Variants in RBFOX1 observed in about 807,000 individuals in gnomAD.
RBFOX1 encodes RNA binding protein fox-1 homolog 1.
A neutral mutation model predicts 57.7 loss-of-function variants in RBFOX1; 8 were observed. That is an observed-to-expected ratio of 0.14 (90% CI 0.08 to 0.25). The LOEUF is 0.25. RBFOX1 is among the 10% of genes least tolerant of loss of function. The pLI is 1.00. For synonymous variants in RBFOX1, 326 were observed against 222.4 expected, an observed-to-expected ratio of 1.47 and a Z score of -4.15; for missense variants, 611 against 548.5, an observed-to-expected ratio of 1.11 and a Z score of -1.14.
chr16:6,942,624 G>C (rs1448888098), intron 3 of RBFOX1, among the ~76,000 whole-genome samples: 1 of 152,164 alleles, frequency 6.6e-6, no homozygotes, highest in African/African-American at 2.4e-5. Flanking sequence ...CAGTGCAGGA[G>C]ACGGTGCTAG....
intron 2 of RBFOX1, among the ~76,000 whole-genome samples, chr16:6,437,800 G>T (rs780970735): frequency 6.6e-6 from 1 of 152,092 alleles, no homozygotes; most frequent in African/African-American, 2.4e-5. Context: ...ACCAGACCTC[G>T]TGAGAACTCA....
At chr16:6,257,479 A>G (rs1161733221) in intron 1 of RBFOX1, among the ~76,000 whole-genome samples, 1 of 151,720 alleles carries the variant, frequency 6.6e-6, no homozygotes, top group Non-Finnish European at 1.5e-5. Context: ...ACATAGGTAC[A>G]CTTTTGTCCT....
chr16:5,718,898 G>C (rs1255778613), intron 3 of RBFOX1, among the ~76,000 whole-genome samples: 4 of 151,780 alleles, frequency 2.6e-5, no homozygotes, highest in East Asian at 1.9e-4. Flanking sequence ...GACAGAGTGA[G>C]ATTGCTTCTC....
intron 4 of RBFOX1, among the ~76,000 whole-genome samples, chr16:5,915,019 A>C (rs1288427649): frequency 1.3e-5 from 2 of 152,178 alleles, no homozygotes; most frequent in Non-Finnish European, 2.9e-5. Context: ...TATGGTGTTG[A>C]GTAGAAGTAA....
At chr16:5,410,162 G>A (rs2066980943) in intron 1 of RBFOX1, among the ~76,000 whole-genome samples, 1 of 151,706 alleles carries the variant, frequency 6.6e-6, no homozygotes, top group African/African-American at 2.4e-5. Flanking sequence ...CCAGGAGTTC[G>A]AGACCAGCCT....
intron 4 of RBFOX1, among the ~76,000 whole-genome samples, chr16:5,912,983 G>C (rs149510777): frequency 2.6e-5 from 4 of 152,166 alleles, no homozygotes; most frequent in Non-Finnish European, 5.9e-5. Context: ...AAGTGACTCA[G>C]GATAAAAGTT....
At chr16:6,962,624 G>A (rs1289670341) in intron 3 of RBFOX1, among the ~76,000 whole-genome samples, 6 of 152,118 alleles carry the variant, frequency 3.9e-5, no homozygotes, top group Non-Finnish European at 7.3e-5. Context: ...CAGGGCTTTG[G>A]GAGGCCGAGG....
At chr16:6,950,351 C>T (rs150101151) in intron 3 of RBFOX1, among the ~76,000 whole-genome samples, 110 of 152,160 alleles carry the variant, frequency 7.2e-4, no homozygotes, top group Non-Finnish European at 6.5e-4. Context: ...ATCACAGTTA[C>T]TTGTGTGGAT....
rs372408195 is a variant in RBFOX1, at chr16:7,521,693, C to T, written c.270+3304C>T. On this transcript the variant is annotated intron_variant, in intron 5 of 15. Coordinates refer to ENST00000550418, the MANE Select transcript of RBFOX1 (RefSeq NM_018723.4). ...CCAAATTCTAGCATATAGATTTTCA[C>T]AGGTTTTATCTATCATAATGACAGT... is the stretch of plus-strand genomic sequence containing the variant. 1.0e-3 allele frequency among the ~76,000 whole-genome samples: 159 copies of T among 152,312 alleles called. 1 individual carries two copies. The highest frequency in any genetic ancestry group is 3.6e-3 in the African/African-American group (149 of 41,576).
chr16:7,413,914 G>A (rs79137321), intron 4 of RBFOX1, among the ~76,000 whole-genome samples: 7,041 of 152,202 alleles, frequency 0.046, 525 homozygotes, highest in African/African-American at 0.15. Context: ...GTTAAGTGCA[G>A]AGCCTGGCAC....
intron 2 of RBFOX1, among the ~76,000 whole-genome samples, chr16:6,522,265 G>A (rs2096516520): frequency 6.6e-6 from 1 of 151,654 alleles, no homozygotes; most frequent in African/African-American, 2.4e-5. Context: ...CCAGTGAAGA[G>A]ATCATAAAGC....
At chr16:7,227,050 C>T (rs924745373) in intron 4 of RBFOX1, among the ~76,000 whole-genome samples, 14 of 152,140 alleles carry the variant, frequency 9.2e-5, no homozygotes, top group South Asian at 8.3e-4. Context: ...TGCACACTTT[C>T]TTCATTTCCC....
chr16:5,872,113 C>T (rs2057489098), intron 4 of RBFOX1, among the ~76,000 whole-genome samples: 1 of 152,182 alleles, frequency 6.6e-6, no homozygotes, highest in South Asian at 2.1e-4. Context: ...TAAAAATATT[C>T]TTACCTACTA....
At chr16:6,531,889 G>C (rs905118956) in intron 2 of RBFOX1, among the ~76,000 whole-genome samples, 1 of 152,152 alleles carries the variant, frequency 6.6e-6, no homozygotes, top group Non-Finnish European at 1.5e-5. Flanking sequence ...CAAGCAACAG[G>C]AACCAATTCC....
intron 4 of RBFOX1, among the ~76,000 whole-genome samples, chr16:7,188,115 C>A: frequency 6.6e-6 from 1 of 152,096 alleles, no homozygotes; most frequent in East Asian, 1.9e-4. Flanking sequence ...TTGTGTTTAA[C>A]AATTTTGGAA....
chr16:5,372,243 C>T (rs1005165194), intron 1 of RBFOX1, among the ~76,000 whole-genome samples: 1 of 152,134 alleles, frequency 6.6e-6, no homozygotes, highest in African/African-American at 2.4e-5. Context: ...TTTCACGGGT[C>T]CACTGCAACA....
intron 1 of RBFOX1, chr16:6,037,584 G>A (rs1424694070): frequency 7.1e-6 from 1 of 141,814 alleles, no homozygotes; most frequent in South Asian, 2.2e-4. Flanking sequence ...TCTTTTTTTT[G>A]TTTTGTTTTG....
At chr16:5,475,060 T>C (rs1320027579) in intron 2 of RBFOX1, among the ~76,000 whole-genome samples, 3 of 152,230 alleles carry the variant, frequency 2.0e-5, no homozygotes, top group Admixed American at 1.3e-4. Context: ...TTCCTTTTGT[T>C]GTAGGTGTCT....
At chr16:6,475,663 T>TC (rs1300648683) in intron 2 of RBFOX1, among the ~76,000 whole-genome samples, 1 of 152,200 alleles carries the variant, frequency 6.6e-6, no homozygotes, top group Non-Finnish European at 1.5e-5. Flanking sequence ...TTATTAGGTG[T>TC]CAGGACAAAG....
Sources: allele counts gnomAD v4.1 joint callset (sites outside exome capture counted in the v4.1 genomes callset), GRCh38; gene constraint gnomAD v4.1.1; transcripts MANE v1.5; gene names NCBI Gene and HGNC (gene_info 2026-07-23, HGNC 2026-07-21).